The following RFX7 variants were observed in gnomAD, a reference collection of about 807,000 sequenced individuals.
RFX7 encodes the protein regulatory factor X7.
Under a neutral mutation model 111.8 loss-of-function variants are expected in RFX7, and 26 were observed. That is an observed-to-expected ratio of 0.23 (90% CI 0.17 to 0.32). RFX7 has a LOEUF of 0.32. RFX7 is among the 10% of genes least tolerant of loss of function. RFX7 has a pLI of 1.00. For synonymous variants in RFX7, 624 were observed against 624.4 expected, an observed-to-expected ratio of 1.00 and a Z score of 0.01; for missense variants, 1,573 against 1,772.9, an observed-to-expected ratio of 0.89 and a Z score of 2.02.
intron 5 of RFX7, among the ~76,000 whole-genome samples, chr15:56,120,544 A>T (rs1244303194): frequency 6.6e-6 from 1 of 152,166 alleles, no homozygotes. Flanking sequence ...AAGTGGCAAA[A>T]GTGGGCATCC....
intron 3 of RFX7, among the ~76,000 whole-genome samples, chr15:56,165,109 T>C (rs1463621223): frequency 1.3e-5 from 2 of 152,112 alleles, no homozygotes; most frequent in African/African-American, 4.8e-5. Context: ...CAGGTCACAA[T>C]AGGGTTTGTG....
chr15:56,240,913 T>C (rs1196477265), intron 2 of RFX7, among the ~76,000 whole-genome samples: 1 of 152,090 alleles, frequency 6.6e-6, no homozygotes, highest in Non-Finnish European at 1.5e-5. Flanking sequence ...AGTTTTCACT[T>C]TTGATATCTT....
At chr15:56,180,913 T>A (rs1357640261) in intron 2 of RFX7, among the ~76,000 whole-genome samples, 2 of 152,052 alleles carry the variant, frequency 1.3e-5, no homozygotes. Flanking sequence ...CAAGACTCCG[T>A]CTCCAAAAAA....
At chr15:56,159,948 A>C (rs1208579543) in intron 3 of RFX7, among the ~76,000 whole-genome samples, 1 of 152,194 alleles carries the variant, frequency 6.6e-6, no homozygotes, top group Non-Finnish European at 1.5e-5. Context: ...GTGAAGCATC[A>C]GGTTTAAGCC....
chr15:56,134,968 T>C (rs1398033607), intron 5 of RFX7, among the ~76,000 whole-genome samples: 1 of 152,146 alleles, frequency 6.6e-6, no homozygotes, highest in Admixed American at 6.5e-5. Flanking sequence ...GGCTGCATAG[T>C]ATTCCATGGT....
At chr15:56,199,175 A>T (rs1445409352) in intron 2 of RFX7, among the ~76,000 whole-genome samples, 2 of 152,204 alleles carry the variant, frequency 1.3e-5, no homozygotes, top group African/African-American at 4.8e-5. Context: ...CTGTAAATCA[A>T]AGATTCAACC....
chr15:56,220,451 C>T (rs56305704), intron 2 of RFX7, among the ~76,000 whole-genome samples: 19,774 of 151,866 alleles, frequency 0.13, 1,688 homozygotes, highest in East Asian at 0.44. Context: ...AGGCTGGTCT[C>T]GAACTCCTGA....
chr15:56,241,084 A>G (rs566225449), intron 2 of RFX7, among the ~76,000 whole-genome samples: 1 of 152,252 alleles, frequency 6.6e-6, no homozygotes, highest in Non-Finnish European at 1.5e-5. Flanking sequence ...AGGATTTCTA[A>G]AGTTGATCAT....
intron 2 of RFX7, among the ~76,000 whole-genome samples, chr15:56,220,829 T>C (rs1183511422): frequency 1.3e-5 from 2 of 152,236 alleles, no homozygotes; most frequent in Non-Finnish European, 2.9e-5. Context: ...TGGAAGTTTT[T>C]ATTCCATCTT....
In RFX7 at chr15:56,093,541, T is replaced by C; in HGVS notation, c.4187A>G (p.Asp1396Gly). 1 of 1,613,864 alleles carries C rather than the reference T, an allele frequency of 6.2e-7. No individual in the cohort carries two copies. Reference sequence around the variant, plus strand: ...TAGATTTGGGTCTAAAGTGTTCAAATCATTGATGCTGCCTGAGAGCTCAGA... The same window carrying C: ...TAGATTTGGGTCTAAAGTGTTCAAACCATTGATGCTGCCTGAGAGCTCAGA... ...LSSELSGSIN[D>G]LNTLDPNLLF... Residue 1396 changes from aspartate (D) to glycine (G), a missense_variant, in exon 10 of 10, where the codon GAT (aspartate) becomes GGT (glycine). Asp to Gly is a moderately conservative substitution (Grantham distance 94). Around this residue, in one of 7 missense-constraint regions of RFX7, gnomAD observed 411 missense variants for 478.1 expected, o/e 0.86. Transcript: ENST00000559447.
chr15:56,149,082 C>CAAAA (rs34272707), intron 3 of RFX7, among the ~76,000 whole-genome samples: 2 of 78,928 alleles, frequency 2.5e-5, no homozygotes, highest in African/African-American at 4.6e-5. Context: ...GACTCCGTCT[C>CAAAA]AAAAAAAAAA....
chr15:56,171,964 G>A (rs1158941462), intron 3 of RFX7, among the ~76,000 whole-genome samples: 1 of 152,120 alleles, frequency 6.6e-6, no homozygotes, highest in Non-Finnish European at 1.5e-5. Context: ...TAGACAAAAT[G>A]CAAAGCAACA....
intron 2 of RFX7, among the ~76,000 whole-genome samples, chr15:56,205,475 CACTT>C (rs2043240284): frequency 1.3e-5 from 2 of 152,196 alleles, no homozygotes; most frequent in African/African-American, 4.8e-5. Flanking sequence ...TATCTTCTCT[CACTT>C]CTCCTCCCAG....
intron 4 of RFX7, among the ~76,000 whole-genome samples, chr15:56,143,925 T>C (rs1160780100): frequency 6.6e-6 from 1 of 152,194 alleles, no homozygotes; most frequent in Non-Finnish European, 1.5e-5. Flanking sequence ...TTTTTAATGA[T>C]GAAACTATAG....
intron 5 of RFX7, among the ~76,000 whole-genome samples, chr15:56,108,729 T>C (rs752382084): frequency 3.9e-5 from 6 of 152,166 alleles, no homozygotes; most frequent in Non-Finnish European, 7.4e-5. Flanking sequence ...AGAAAGGATA[T>C]TTAAATAGGA....
At chr15:56,171,955 A>G (rs1330353991) in intron 3 of RFX7, among the ~76,000 whole-genome samples, 5 of 152,338 alleles carry the variant, frequency 3.3e-5, no homozygotes, top group Non-Finnish European at 7.3e-5. Flanking sequence ...GGACAAATAT[A>G]GACAAAATGC....
intron 5 of RFX7, among the ~76,000 whole-genome samples, chr15:56,104,102 G>T (rs1300813158): frequency 6.6e-6 from 1 of 152,044 alleles, no homozygotes; most frequent in Non-Finnish European, 1.5e-5. Context: ...TTAGAAACAT[G>T]ATATGTTTGA....
At chr15:56,214,018 C>T (rs2043338234) in intron 2 of RFX7, among the ~76,000 whole-genome samples, 2 of 152,114 alleles carry the variant, frequency 1.3e-5, no homozygotes, top group Admixed American at 1.3e-4. Flanking sequence ...CCATTGCTGC[C>T]ATTATCTGAA....
At position 56,203,594 on chromosome 15, in the gene RFX7, C is replaced by T. The variant is rs188435319; in HGVS notation, c.162-24291G>A. On this transcript the variant is annotated intron_variant, in intron 2 of 9. Transcript: ENST00000559447. ...CACAGTATGAGATGGGAGGTCAGCA[C>T]AAGATACAGGTCATAAAGACCTTGC... is the stretch of plus-strand genomic sequence containing the variant. Among the ~76,000 whole-genome samples the T allele has an allele frequency of 2.5e-3, 373 of 152,134 alleles. 1 individual carries two copies. The highest frequency in any genetic ancestry group is 8.2e-3 in the African/African-American group (341 of 41,476).
Sources: gnomAD v4.1 joint callset for allele counts (sites outside exome capture counted in the v4.1 genomes callset) on GRCh38, gnomAD v4.1.1 for gene constraint, gnomAD v4.1.1 regional missense constraint, MANE v1.5 for transcripts, NCBI Gene and HGNC (gene_info 2026-07-23, HGNC 2026-07-21) for gene names.